Variants in OSBPL10 observed in about 807,000 individuals in gnomAD.
The protein encoded by OSBPL10 is oxysterol binding protein like 10, also known as oxysterol-binding protein-related protein 10.
A neutral mutation model predicts 81.7 loss-of-function variants in OSBPL10; 49 were observed. The observed-to-expected ratio is 0.60, with a 90% confidence interval of 0.48 to 0.76. OSBPL10 has a LOEUF of 0.76. OSBPL10 is among the 30% of genes least tolerant of loss of function. OSBPL10 has a pLI of 0.00. For missense variants in OSBPL10, 923 were observed against 987.8 expected (o/e 0.93, Z 0.88); for synonymous variants, 419 against 383.6 (o/e 1.09, Z -1.08).
intron 3 of OSBPL10, among the ~76,000 whole-genome samples, chr3:31,864,176 G>A (rs1701120144): frequency 6.6e-6 from 1 of 152,194 alleles, no homozygotes; most frequent in Non-Finnish European, 1.5e-5. Flanking sequence ...GGAGCACAGA[G>A]AGAAGACCAT....
At chr3:32,027,192 C>T (rs1559551653) in intron 2 of OSBPL10, among the ~76,000 whole-genome samples, 1 of 152,156 alleles carries the variant, frequency 6.6e-6, no homozygotes, top group Admixed American at 6.5e-5. Context: ...CCCCGACCCC[C>T]TGACAGGCCC....
At chr3:31,863,166 G>A (rs190541048) in intron 3 of OSBPL10, among the ~76,000 whole-genome samples, 1 of 152,136 alleles carries the variant, frequency 6.6e-6, no homozygotes, top group Non-Finnish European at 1.5e-5. Flanking sequence ...CAGACACAAA[G>A]AGACACAATA....
chr3:31,739,818 A>T (rs1697286272), intron 5 of OSBPL10, among the ~76,000 whole-genome samples: 1 of 152,236 alleles, frequency 6.6e-6, no homozygotes. Flanking sequence ...CCATGCTAAG[A>T]CACTGTCTTT....
chr3:31,990,970 T>C, intron 2 of OSBPL10: 1 of 1,573,332 alleles, frequency 6.4e-7, no homozygotes, highest in Non-Finnish European at 8.6e-7. Flanking sequence ...TGGCAAGGTC[T>C]TCAGTTAGAG....
intron 1 of OSBPL10, among the ~76,000 whole-genome samples, chr3:31,966,589 G>A (rs890632247): frequency 1.3e-5 from 2 of 151,996 alleles, no homozygotes; most frequent in African/African-American, 4.8e-5. Context: ...CAATATCAGG[G>A]AGAAGAAAAA....
intron 3 of OSBPL10, among the ~76,000 whole-genome samples, chr3:31,867,223 G>A (rs552256639): frequency 2.6e-5 from 4 of 152,260 alleles, no homozygotes; most frequent in East Asian, 3.9e-4. Context: ...ATTAGTAAGC[G>A]CCAGGAGAGA....
intron 2 of OSBPL10, among the ~76,000 whole-genome samples, chr3:31,996,235 T>G (rs976187): frequency 0.35 from 52,765 of 152,012 alleles, 12,824 homozygotes; most frequent in African/African-American, 0.69. Flanking sequence ...AGGGGGAAAA[T>G]ACAATTCAAT....
At chr3:31,690,361 T>C (rs1351963224) in intron 7 of OSBPL10, among the ~76,000 whole-genome samples, 2 of 152,180 alleles carry the variant, frequency 1.3e-5, no homozygotes, top group African/African-American at 4.8e-5. Flanking sequence ...CCCCAGAACT[T>C]GTACAGCCTG....
intron 2 of OSBPL10, among the ~76,000 whole-genome samples, chr3:32,018,807 A>G (rs1699337080): frequency 6.6e-6 from 1 of 152,232 alleles, no homozygotes; most frequent in African/African-American, 2.4e-5. Flanking sequence ...AAAAAAAGGT[A>G]GTGTTTTTGT....
chr3:31,699,379 TC>T (rs770479158), intron 7 of OSBPL10, among the ~76,000 whole-genome samples: 3 of 152,110 alleles, frequency 2.0e-5, no homozygotes, highest in Non-Finnish European at 4.4e-5. Context: ...TCGGTGACCC[TC>T]CACCTCACTG....
At chr3:31,987,158 G>T (rs191148685) in intron 2 of OSBPL10, among the ~76,000 whole-genome samples, 1 of 150,918 alleles carries the variant, frequency 6.6e-6, no homozygotes, top group Non-Finnish European at 1.5e-5. Flanking sequence ...CCTTCCCTTC[G>T]TCCAGACACT....
chr3:31,716,489 T>C (rs1273439548), intron 6 of OSBPL10, among the ~76,000 whole-genome samples: 1 of 152,118 alleles, frequency 6.6e-6, no homozygotes. Flanking sequence ...ACTCTAACAT[T>C]TGAGAAGGTC....
chr3:31,819,747 G>C (rs979345855), intron 4 of OSBPL10, among the ~76,000 whole-genome samples: 6 of 152,224 alleles, frequency 3.9e-5, no homozygotes. Context: ...CTTTTTTGCT[G>C]TATCAACTTG....
intron 1 of OSBPL10, among the ~76,000 whole-genome samples, chr3:31,898,532 C>G (rs535366519): frequency 2.6e-5 from 4 of 151,158 alleles, no homozygotes; most frequent in African/African-American, 9.7e-5. Flanking sequence ...ATCATTTGAG[C>G]CCAGGAGTTC....
At chr3:31,903,949 G>A (rs1439157790) in intron 1 of OSBPL10, among the ~76,000 whole-genome samples, 1 of 152,136 alleles carries the variant, frequency 6.6e-6, no homozygotes, top group Non-Finnish European at 1.5e-5. Flanking sequence ...AGTGAACACA[G>A]GTTTCCAGGA....
At chr3:31,820,866 T>C (rs976882114) in intron 4 of OSBPL10, among the ~76,000 whole-genome samples, 10 of 152,130 alleles carry the variant, frequency 6.6e-5, no homozygotes, top group African/African-American at 2.4e-4. Context: ...GTGGTTATAA[T>C]CCTTTCAGTG....
chr3:32,072,213 G>A (rs1318522049), intron 1 of OSBPL10, among the ~76,000 whole-genome samples: 2 of 152,142 alleles, frequency 1.3e-5, no homozygotes, highest in Non-Finnish European at 2.9e-5. Flanking sequence ...CATCGTCAAA[G>A]CCTCTTTAAT....
Position 31,716,536 on chromosome 3 carries a change from ACAG to A in OSBPL10, c.1096-14031_1096-14029del, listed in dbSNP as rs1198149076. On this transcript the variant is annotated intron_variant, in intron 6 of 11. Coordinates refer to ENST00000396556, the MANE Select transcript of OSBPL10 (RefSeq NM_017784.5). ...TCCCCGGCCATGGGGGCTATGAGGAACAGCAGAGAAAAGTAGCAGGTGTGATAG... is the reference window on the plus strand; with the variant it reads ...TCCCCGGCCATGGGGGCTATGAGGAACAGAGAAAAGTAGCAGGTGTGATAG... Among the ~76,000 whole-genome samples, 7 of 152,304 alleles carry A rather than the reference ACAG, an allele frequency of 4.6e-5. No individual in the cohort carries two copies. The East Asian group carries it at 1.4e-3, about 29-fold the overall frequency.
intron 4 of OSBPL10, among the ~76,000 whole-genome samples, chr3:31,787,277 G>C (rs1331994814): frequency 2.0e-5 from 3 of 152,110 alleles, no homozygotes; most frequent in Non-Finnish European, 4.4e-5. Context: ...AAAAGGTCTG[G>C]TCCTTTTAGT....
Sources: allele counts gnomAD v4.1 joint callset (sites outside exome capture counted in the v4.1 genomes callset), GRCh38; gene constraint gnomAD v4.1.1; transcripts MANE v1.5; gene names NCBI Gene and HGNC (gene_info 2026-07-23, HGNC 2026-07-21).